TNS1: variants seen among roughly 807,000 people sequenced by gnomAD.
TNS1 encodes the protein tensin-1.
In TNS1, 62 loss-of-function variants were observed where a neutral mutation model predicts 168.6. The observed-to-expected ratio is 0.37, with a 90% CI of 0.30 to 0.45. The LOEUF is 0.45. Ranked by LOEUF, TNS1 falls within the 20% of genes least tolerant of loss-of-function variation. The pLI, the probability that TNS1 is intolerant of heterozygous loss-of-function variation, is 1.00. For missense variants in TNS1, 2,240 were observed against 2,339.4 expected (o/e 0.96, Z 0.88); for synonymous variants, 934 against 933.2 (o/e 1.00, Z -0.02).
chr2:217,842,704 T>C (rs992411671), intron 19 of TNS1, among the ~76,000 whole-genome samples: 3 of 152,176 alleles, frequency 2.0e-5, no homozygotes, highest in Non-Finnish European at 4.4e-5. Flanking sequence ...GCCACCATTC[T>C]TACAATCACC....
At chr2:217,951,631 C>G (rs559200740) in intron 3 of TNS1, among the ~76,000 whole-genome samples, 8 of 152,278 alleles carry the variant, frequency 5.3e-5, no homozygotes, top group East Asian at 1.9e-4. Context: ...GGGGCTCGCC[C>G]GCCCCTGCCT....
At chr2:217,857,210 G>C (rs960764132) in intron 18 of TNS1, among the ~76,000 whole-genome samples, 1 of 152,206 alleles carries the variant, frequency 6.6e-6, no homozygotes, top group Non-Finnish European at 1.5e-5. Context: ...CCGGGAGGTT[G>C]GCTCAGCCAA....
chr2:217,852,099 C>T (rs1427859543), intron 18 of TNS1, among the ~76,000 whole-genome samples: 3 of 152,074 alleles, frequency 2.0e-5, no homozygotes, highest in South Asian at 2.1e-4. Context: ...GAGCCGAGAT[C>T]GCACCATTGC....
At chr2:217,822,847 G>A (rs115271998) in intron 22 of TNS1, among the ~76,000 whole-genome samples, 1 of 152,154 alleles carries the variant, frequency 6.6e-6, no homozygotes, top group African/African-American at 2.4e-5. Context: ...AACGAACTCC[G>A]CTTGAAAGAG....
rs979106125 is a variant in TNS1 at position 218,022,492 on chromosome 2, G to A, written c.156+11328C>T. Among the ~76,000 whole-genome samples the A allele has an allele frequency of 2.0e-5, 3 of 152,072 alleles. No homozygotes were observed. In the East Asian group the frequency reaches 5.8e-4, roughly 29 times the overall value. ...GGGACGTGGACACGCACACACGCAC[G>A]TACACACATACACACACACAGGCAC... On this transcript the variant is annotated intron_variant, in intron 1 of 1. Transcript: ENST00000649572.
At chr2:217,842,051 C>T (rs914774567) in intron 19 of TNS1, 2 of 702,754 alleles carry the variant, frequency 2.8e-6, no homozygotes, top group Non-Finnish European at 5.2e-6. Flanking sequence ...AGCTATGTTA[C>T]CTTTCCTCTC....
intron 3 of TNS1, among the ~76,000 whole-genome samples, chr2:217,945,620 C>A (rs1957084705): frequency 6.6e-6 from 1 of 152,144 alleles, no homozygotes; most frequent in Non-Finnish European, 1.5e-5. Context: ...TCAACAGCAG[C>A]CTCAATCTGT....
chr2:217,879,696 A>G (rs753731798), intron 18 of TNS1, among the ~76,000 whole-genome samples: 4 of 152,212 alleles, frequency 2.6e-5, no homozygotes, highest in Admixed American at 1.3e-4. Context: ...CAGAGGAGAA[A>G]TCTTTATTCA....
Position 218,009,992 on chromosome 2 carries a change from A to AG in TNS1, c.96+107dup, listed in dbSNP as rs372428354. 7.1e-4 allele frequency: 252 copies of AG among 355,214 alleles called. 2 individuals carry two copies. The highest frequency in any genetic ancestry group is 5.8e-3 in the African/African-American group (216 of 37,458). The allele number at this position is 355,214 out of a possible 1,614,324, so 22.0% of individuals were successfully genotyped here. The stretch of plus-strand genomic sequence containing the variant: ...CGAGACGGAGGGTCCCTGAGAGTGG[A>AG]GGGTAGTAAGTCAGATCGAATGCCC... On this transcript the variant is annotated intron_variant, in intron 1 of 32. Coordinates refer to the TNS1 transcript ENST00000646520.
chr2:218,001,025 C>T (rs1958553377), intron 1 of TNS1, among the ~76,000 whole-genome samples: 1 of 152,084 alleles, frequency 6.6e-6, no homozygotes, highest in Admixed American at 6.5e-5. Context: ...TGTTGGCACG[C>T]ACTTGTAGTC....
At chr2:217,917,450 A>G (rs1252992264) in intron 4 of TNS1, among the ~76,000 whole-genome samples, 1 of 152,190 alleles carries the variant, frequency 6.6e-6, no homozygotes, top group Non-Finnish European at 1.5e-5. Context: ...TGCATAGTGT[A>G]TCGGGGCGAT....
intron 3 of TNS1, among the ~76,000 whole-genome samples, chr2:217,956,524 G>T (rs369119513): frequency 6.6e-6 from 1 of 152,190 alleles, no homozygotes. Context: ...AGACACAGGC[G>T]CTGGAAAGTC....
Position 218,009,514 on chromosome 2 carries a change from GC to G in TNS1, c.96+585del, listed in dbSNP as rs1958687572. 3.1e-5 allele frequency among the ~76,000 whole-genome samples: 4 copies of G among 129,988 alleles called. No individual in the cohort carries two copies. The South Asian group carries it at 1.1e-3, about 34-fold the overall frequency. 85.3% of individuals were successfully genotyped at this position (129,988 alleles called of 152,430 possible). A position where few individuals can be genotyped will look rare whatever the true frequency, so the allele number is the denominator to read the frequency against. The stretch of plus-strand genomic sequence containing the variant: ...GCAGGTTCCCCAGACCCCTGCTCCC[GC>G]CCCCAGCCCAGCTGCTGCTCCCTCC... On this transcript the variant is annotated intron_variant, in intron 1 of 32. Coordinates refer to the TNS1 transcript ENST00000646520.
chr2:217,944,558 G>C (rs1004469014), intron 3 of TNS1, among the ~76,000 whole-genome samples: 1 of 152,230 alleles, frequency 6.6e-6, no homozygotes, highest in African/African-American at 2.4e-5. Context: ...TTTGTGACTG[G>C]AGGCCAGGAA....
At chr2:218,013,022 C>A (rs1958719588), upstream of TNS1, among the ~76,000 whole-genome samples, 3 of 151,586 alleles carry the variant, frequency 2.0e-5, no homozygotes, top group Non-Finnish European at 4.4e-5. Context: ...CTGAGGCAGG[C>A]AGATCACTTG....
intron 18 of TNS1, chr2:217,849,835 T>G (rs1024674141): frequency 1.2e-5 from 12 of 985,252 alleles, no homozygotes; most frequent in Non-Finnish European, 1.4e-5. Context: ...AGGAGGGCAG[T>G]AGGGTGCAGC....
rs778953855 is a variant in TNS1 at position 217,821,822 on chromosome 2, G to A, written c.3490C>T (p.Pro1164Ser). ...PATQAYGHEI[P>S]LRNGTLGGSF... Reference sequence around the variant, plus strand: ...CCACCCAGGGTCCCGTTCCTCAGGGGTATCTCATGGCCATAGGCCTGGGTG... The same window carrying A: ...CCACCCAGGGTCCCGTTCCTCAGGGATATCTCATGGCCATAGGCCTGGGTG... Residue 1164 changes from proline (P) to serine (S), a missense_variant, in exon 23 of 33, where the codon CCC becomes TCC. Coordinates refer to ENST00000682258, the MANE Select transcript of TNS1 (RefSeq NM_001387777.1). The A allele has an allele frequency of 1.1e-5, 18 of 1,569,692 alleles. No homozygotes were observed. The highest frequency in any genetic ancestry group is 1.9e-5 in the Admixed American group (1 of 51,594).
chr2:217,993,466 G>GTT (rs1559405313), intron 1 of TNS1, among the ~76,000 whole-genome samples: 1 of 152,194 alleles, frequency 6.6e-6, no homozygotes, highest in Non-Finnish European at 1.5e-5. Context: ...AACAGACGCC[G>GTT]CTTCTGCGGT....
intron 3 of TNS1, among the ~76,000 whole-genome samples, chr2:217,952,538 T>C (rs1957268166): frequency 6.6e-6 from 1 of 152,078 alleles, no homozygotes. Context: ...CCCAGCCTGG[T>C]GAGGACATGG....
Sources: allele counts gnomAD v4.1 joint callset (sites outside exome capture counted in the v4.1 genomes callset), GRCh38; gene constraint gnomAD v4.1.1; transcripts MANE v1.5; gene names NCBI Gene and HGNC (gene_info 2026-07-23, HGNC 2026-07-21).